The following PPP2R1B variants were observed in gnomAD, a reference collection of about 807,000 sequenced individuals.
PPP2R1B encodes the protein serine/threonine-protein phosphatase 2A 65 kDa regulatory subunit A beta isoform.
In PPP2R1B, 58 loss-of-function variants were observed where a neutral mutation model predicts 72.7. The observed-to-expected ratio is 0.80, with a 90% CI of 0.65 to 0.99. PPP2R1B has a LOEUF of 0.99. PPP2R1B is among the 50% of genes least tolerant of loss of function. The probability of loss-of-function intolerance (pLI) is 0.00; values close to 1 mark genes in which losing one functional copy is unlikely to be tolerated. For missense variants in PPP2R1B, 695 were observed against 733.6 expected, an observed-to-expected ratio of 0.95 and a Z score of 0.61; for synonymous variants, 256 against 264.6, an observed-to-expected ratio of 0.97 and a Z score of 0.32.
intron 4 of PPP2R1B, among the ~76,000 whole-genome samples, chr11:111,760,497 A>T (rs1945284603): frequency 6.6e-6 from 1 of 152,040 alleles, no homozygotes; most frequent in Non-Finnish European, 1.5e-5. Context: ...ATTTTTTTTA[A>T]AAATTAGCCA....
chr11:111,722,644 GTTGT>G (rs781566110), downstream of PPP2R1B: 9 of 1,610,664 alleles, frequency 5.6e-6, no homozygotes, highest in South Asian at 8.8e-5. The surrounding 1 kb of genome is among the most constrained non-coding windows in gnomAD (Gnocchi z 4.4). Context: ...TCACGCTCAT[GTTGT>G]TTTTCTGCTC....
intron 11 of PPP2R1B, 111 bp from the exon 12 acceptor site, chr11:111,743,641 T>G (rs963176108): frequency 1.6e-6 from 2 of 1,270,362 alleles, no homozygotes; most frequent in Non-Finnish European, 1.1e-6. Context: ...CCCTCTGCAA[T>G]CAGACTCCAC....
Position 111,739,167 on chromosome 11 carries a change from G to C in PPP2R1B, c.*2429C>G, listed in dbSNP as rs753138271. ...CATGCACACATTGGAGGATATTTTA[G>C]AAATTCATCCATTGAACACATTTTT... On this transcript the variant is annotated 3_prime_UTR_variant, in exon 15 of 15. Transcript: ENST00000527614. 1.0e-6 allele frequency: 1 copy of C among 985,222 alleles called. No homozygotes were observed. The highest frequency in any genetic ancestry group is 1.2e-6 in the Non-Finnish European group (1 of 829,834). 61.0% of individuals were successfully genotyped at this position (985,222 alleles called of 1,614,324 possible).
rs1328208955 is a variant in PPP2R1B at position 111,739,979 on chromosome 11, G to C, written c.*1617C>G. The C allele has an allele frequency of 8.2e-6, 8 of 980,174 alleles. No homozygotes were observed. Among genetic ancestry groups the C allele is most frequent in the Non-Finnish European group, 9.7e-6 (8 of 825,258 alleles). 60.7% of individuals were successfully genotyped at this position (980,174 alleles called of 1,614,324 possible). A position where few individuals can be genotyped will look rare whatever the true frequency, so the allele number is the denominator to read the frequency against. On this transcript the variant is annotated 3_prime_UTR_variant, in exon 15 of 15. Transcript: ENST00000527614. ...TTTCGAATGTAGGACAAATTTTAAA[G>C]TATTTAGTAAAACTTGGTTTTATGT...
intron 12 of PPP2R1B, 29 bp from the exon 13 acceptor site, chr11:111,742,694 A>C (rs1413973608): frequency 6.5e-7 from 1 of 1,531,430 alleles, no homozygotes; most frequent in East Asian, 2.3e-5. Flanking sequence ...TGGCACATTT[A>C]AAATACTTTA....
At chr11:111,710,832 C>CT in the PPP2R1B span, among the ~76,000 whole-genome samples, 1 of 152,200 alleles carries the variant, frequency 6.6e-6, no homozygotes, top group Non-Finnish European at 1.5e-5. Flanking sequence ...AGAGGAGAAG[C>CT]TAGAATCTCA....
chr11:111,735,780 C>T (rs1375362779), downstream of PPP2R1B, among the ~76,000 whole-genome samples: 1 of 152,216 alleles, frequency 6.6e-6, no homozygotes, highest in African/African-American at 2.4e-5. Context: ...ACGCTCACCC[C>T]ATTCGGACAG....
intron 4 of PPP2R1B, among the ~76,000 whole-genome samples, 188 bp downstream of exon 4, chr11:111,760,631 A>G (rs1945289564): frequency 6.6e-6 from 1 of 152,138 alleles, no homozygotes; most frequent in Non-Finnish European, 1.5e-5. Context: ...CCTAGACAAC[A>G]GAGCAAGACC....
chr11:111,727,214 ACCTTGAGAATC>A, intron 15 of PPP2R1B: 1 of 649,718 alleles, frequency 1.5e-6, no homozygotes, highest in East Asian at 2.7e-5. Flanking sequence ...TACACCATCC[ACCTTGAGAATC>A]CCTGCGTGGG....
downstream of PPP2R1B, chr11:111,737,335 A>G: frequency 1.3e-6 from 2 of 1,504,040 alleles, no homozygotes; most frequent in Admixed American, 3.6e-5. Context: ...CTGGGGACAA[A>G]GTGAGAGGTG....
chr11:111,722,534 GTC>G, downstream of PPP2R1B: 2 of 856,048 alleles, frequency 2.3e-6, no homozygotes, highest in Non-Finnish European at 3.6e-6. The surrounding 1 kb of genome is among the most constrained non-coding windows in gnomAD (Gnocchi z 4.4). Context: ...GGGAGTAAAT[GTC>G]AGTCCCTTCA....
chr11:111,707,911 G>A, the PPP2R1B span, among the ~76,000 whole-genome samples: 1 of 152,152 alleles, frequency 6.6e-6, no homozygotes, highest in South Asian at 2.1e-4. Context: ...AATACAGAGT[G>A]GGAACAGCAA....
chr11:111,706,599 A>G, the PPP2R1B span, among the ~76,000 whole-genome samples: 142 of 152,362 alleles, frequency 9.3e-4, no homozygotes, highest in African/African-American at 3.2e-3. Flanking sequence ...ATGTTTTAAA[A>G]AAGGGAATTA....
chr11:111,723,603 C>T, downstream of PPP2R1B: 1 of 1,614,192 alleles, frequency 6.2e-7, no homozygotes, highest in Middle Eastern at 1.6e-4. Flanking sequence ...CAGCAGCTGC[C>T]CCTTCCCCGC....
At position 111,737,979 on chromosome 11, in the gene PPP2R1B, T is replaced by C; in HGVS notation, c.*3617A>G. ...AACTCTATTCGTCCTCCGGAAGATT[T>C]CCATCCCAACTGAACGTTATGTAAT... is the stretch of plus-strand genomic sequence containing the variant. On this transcript the variant is annotated 3_prime_UTR_variant, in exon 15 of 15. Coordinates refer to ENST00000527614, the MANE Select transcript of PPP2R1B (RefSeq NM_002716.5). 9.8e-7 allele frequency: 1 copy of C among 1,018,022 alleles called. No homozygotes were observed. Among genetic ancestry groups the C allele is most frequent in the South Asian group, 4.1e-5 (1 of 24,268 alleles). The allele number at this position is 1,018,022 out of a possible 1,614,324, so 63.1% of individuals were successfully genotyped here.
intron 1 of PPP2R1B, among the ~76,000 whole-genome samples, chr11:111,765,630 GAC>G (rs1555052792): frequency 6.6e-6 from 1 of 152,182 alleles, no homozygotes; most frequent in Non-Finnish European, 1.5e-5. Flanking sequence ...ATGAAGGAAA[GAC>G]AATACAACAC....
At chr11:111,704,405 A>G in the PPP2R1B span, among the ~76,000 whole-genome samples, 1 of 152,236 alleles carries the variant, frequency 6.6e-6, no homozygotes. Context: ...TTTGGGAAGC[A>G]ACTTTATTTT....
downstream of PPP2R1B, among the ~76,000 whole-genome samples, chr11:111,736,925 T>C (rs1443019665): frequency 6.6e-6 from 1 of 152,168 alleles, no homozygotes; most frequent in African/African-American, 2.4e-5. Flanking sequence ...CCTGGGGCAG[T>C]GGCTGGCACC....
intron 15 of PPP2R1B, among the ~76,000 whole-genome samples, chr11:111,731,873 T>C (rs1362440275): frequency 6.6e-6 from 1 of 152,254 alleles, no homozygotes; most frequent in Non-Finnish European, 1.5e-5. Context: ...ATGTTTTCCC[T>C]TTCCCACCAG....
Sources: gnomAD v4.1 joint callset for allele counts (sites outside exome capture counted in the v4.1 genomes callset) on GRCh38, gnomAD v4.1.1 for gene constraint, Gnocchi (gnomAD v3.1) non-coding constraint, MANE v1.5 for transcripts, NCBI Gene and HGNC (gene_info 2026-07-23, HGNC 2026-07-21) for gene names.